The following LTF variants were observed in gnomAD, a reference collection of about 807,000 sequenced individuals.
LTF encodes the protein lactotransferrin.
Under a neutral mutation model 87.2 loss-of-function variants are expected in LTF, and 91 were observed. The observed-to-expected ratio is 1.04, with a 90% CI of 0.88 to 1.24. The LOEUF is 1.24. Ranked by LOEUF, LTF falls within the 50% of genes most tolerant of loss-of-function variation. The pLI, the probability that LTF is intolerant of heterozygous loss-of-function variation, is 0.00. For missense variants in LTF, 901 were observed against 904.3 expected (o/e 1.00, Z 0.05); for synonymous variants, 378 against 356.1 (o/e 1.06, Z -0.69).
chr3:46,454,898 C>T (rs6776379), intron 5 of LTF, among the ~76,000 whole-genome samples: 7 of 152,154 alleles, frequency 4.6e-5, no homozygotes, highest in African/African-American at 7.2e-5. Context: ...GACACTGCAG[C>T]GGTCCTGCCC....
intron 15 of LTF, among the ~76,000 whole-genome samples, chr3:46,438,631 C>T (rs1702444415): frequency 1.3e-5 from 2 of 152,162 alleles, no homozygotes; most frequent in African/African-American, 2.4e-5. Context: ...GACTGAGACC[C>T]AAACCCCTCA....
Position 46,445,282 on chromosome 3 carries a change from A to G in LTF, c.1512T>C (p.Phe504=), listed in dbSNP as rs1008461786. 9 of 1,606,888 alleles carry G rather than the reference A, an allele frequency of 5.6e-6. No individual in the cohort carries two copies. Among genetic ancestry groups the G allele is most frequent in the Non-Finnish European group, 7.7e-6 (9 of 1,176,198 alleles). The change falls in exon 12 of 17, where the codon TTT becomes TTC. Residue 504 remains phenylalanine, a splice_region_variant and synonymous_variant. Coordinates refer to ENST00000231751, the MANE Select transcript of LTF (RefSeq NM_002343.6). ...LLFNQTGSCK[F]DEYFSQSCAP... ...CACCGCACCTTTGGAACTCCTTACC[A>G]AATTTGCAGGAGCCCGTCTGGTTGA...
At chr3:46,443,335 C>A in intron 13 of LTF, 106 bp downstream of exon 13, 1 of 1,367,734 alleles carries the variant, frequency 7.3e-7, no homozygotes, top group South Asian at 1.3e-5. Context: ...CAGGATGACC[C>A]CCACTCTGCT....
At chr3:46,450,129 C>G in intron 7 of LTF, 101 bp from the exon 8 acceptor site, 1 of 1,009,286 alleles carries the variant, frequency 9.9e-7, no homozygotes, top group Non-Finnish European at 1.4e-6. Flanking sequence ...ATCATTCTAA[C>G]TGAGAGCAGG....
At chr3:46,483,216 A>G (rs1475355171) in intron 1 of LTF, among the ~76,000 whole-genome samples, 1 of 152,208 alleles carries the variant, frequency 6.6e-6, no homozygotes, top group African/African-American at 2.4e-5. Context: ...AATCCCTGAC[A>G]ATGTTAACAG....
chr3:46,463,743 T>C (rs955263635), intron 1 of LTF: 39 of 717,170 alleles, frequency 5.4e-5, no homozygotes, highest in Non-Finnish European at 6.5e-5. Context: ...GCCCTAACCC[T>C]GTGCAACAGG....
intron 2 of LTF, among the ~76,000 whole-genome samples, chr3:46,456,675 A>C (rs779930008): frequency 2.6e-5 from 4 of 152,142 alleles, no homozygotes; most frequent in Non-Finnish European, 5.9e-5. Flanking sequence ...ACAGTCATCT[A>C]TATTTGAAGT....
chr3:46,465,884 C>T (rs1703201424), upstream of LTF, among the ~76,000 whole-genome samples: 1 of 151,132 alleles, frequency 6.6e-6, no homozygotes, highest in Admixed American at 6.6e-5. Context: ...AGCATGGTGC[C>T]TGTGGGACAC....
chr3:46,443,252 G>A (rs1240544603), intron 13 of LTF, among the ~76,000 whole-genome samples, 189 bp downstream of exon 13: 2 of 152,208 alleles, frequency 1.3e-5, no homozygotes, highest in African/African-American at 2.4e-5. Context: ...CAGCCCTGGT[G>A]CCAGCCTCCA....
chr3:46,438,266 T>C, intron 15 of LTF, 137 bp from the exon 16 acceptor site: 1 of 728,464 alleles, frequency 1.4e-6, no homozygotes, highest in Non-Finnish European at 2.3e-6. Flanking sequence ...TCTGGAGTCA[T>C]TCCACCTCCT....
In LTF at chr3:46,436,059, A is replaced by G; in HGVS notation, c.*136T>C. 2 of 776,508 alleles carry G rather than the reference A, an allele frequency of 2.6e-6. No individual in the cohort carries two copies. The allele number at this position is 776,508 out of a possible 1,614,324, so 48.1% of individuals were successfully genotyped here. On this transcript the variant is annotated 3_prime_UTR_variant, in exon 17 of 17. Transcript: ENST00000231751. Reference sequence around the variant, plus strand: ...TTTTACTTCTTGCTAAGACGACAGCAGGGAATTGTAAGCAGATGGATGGGC... The same window carrying G: ...TTTTACTTCTTGCTAAGACGACAGCGGGGAATTGTAAGCAGATGGATGGGC...
At chr3:46,456,451 C>G in intron 2 of LTF, 53 bp from the exon 3 acceptor site, 1 of 1,466,462 alleles carries the variant, frequency 6.8e-7, no homozygotes, top group Non-Finnish European at 9.5e-7. Context: ...CCAAACCCAG[C>G]AAGTGGGACT....
At chr3:46,455,271 C>A (rs142976687) in intron 5 of LTF, 24 bp downstream of exon 5, 1 of 1,614,040 alleles carries the variant, frequency 6.2e-7, no homozygotes, top group Admixed American at 1.7e-5. Context: ...TGGCCACTGA[C>A]GAGAAGGGGA....
rs1200506395 is a variant in LTF at position 46,437,928 on chromosome 3, G to A, written c.2098+12C>T. ...GGTGGTTTCTCGGGGATGCTAGCTA[G>A]GGTCTACTTACGGGAGGTTGAGCAC... On this transcript the variant is annotated intron_variant, in intron 16 of 16. Coordinates refer to ENST00000231751, the MANE Select transcript of LTF (RefSeq NM_002343.6). The A allele has an allele frequency of 1.2e-6, 2 of 1,611,642 alleles. No individual in the cohort carries two copies. The highest frequency in any genetic ancestry group is 2.7e-5 in the African/African-American group (2 of 74,804).
At chr3:46,447,865 A>G (rs767355418) in intron 9 of LTF, among the ~76,000 whole-genome samples, 4 of 152,216 alleles carry the variant, frequency 2.6e-5, no homozygotes, top group African/African-American at 4.8e-5. Flanking sequence ...ACACAGGATC[A>G]TGGACTCATC....
intron 9 of LTF, among the ~76,000 whole-genome samples, chr3:46,448,393 C>T (rs1282996106): frequency 6.6e-6 from 1 of 151,712 alleles, no homozygotes; most frequent in Non-Finnish European, 1.5e-5. Context: ...TAATGCTTTC[C>T]AAGAGTAAAT....
In LTF at chr3:46,449,010, C is replaced by T. The variant is rs764832414; in HGVS notation, c.1065G>A (p.Glu355=). ...TAIQNLRKSE[E]EVAARRARVV... Reference sequence around the variant, plus strand: ...CCCGCGCACGCCGGGCAGCCACTTCCTCCTCACCTGCCAGAGGGAAGACCG... The same window carrying T: ...CCCGCGCACGCCGGGCAGCCACTTCTTCCTCACCTGCCAGAGGGAAGACCG... Residue 355 remains glutamate (E), a synonymous_variant, in exon 9 of 17, where the codon GAG becomes GAA. Transcript: ENST00000231751. 6 of 1,607,456 alleles carry T rather than the reference C, an allele frequency of 3.7e-6. No individual in the cohort carries two copies. The highest frequency in any genetic ancestry group is 1.1e-5 in the South Asian group (1 of 90,400).
Position 46,472,845 on chromosome 3 carries a change from T to A in LTF, c.-319-2379A>T, listed in dbSNP as rs540031758. Among the ~76,000 whole-genome samples the A allele has an allele frequency of 3.4e-4, 52 of 152,252 alleles. 1 individual carries two copies. Among genetic ancestry groups the A allele is most frequent in the African/African-American group, 1.0e-3 (42 of 41,538 alleles). On this transcript the variant is annotated intron_variant, in intron 1 of 19. Transcript: ENST00000443496. ...AAGAATTTGTCTCAGCTTGAATCAA[T>A]CCTTCCTGCTTCTTCCCTTTGTCTT...
At chr3:46,443,321 C>T (rs1393638970) in intron 13 of LTF, 120 bp downstream of exon 13, 2 of 1,247,010 alleles carry the variant, frequency 1.6e-6, no homozygotes, top group Non-Finnish European at 2.3e-6. Flanking sequence ...CATGAGCTGA[C>T]CCACAGGATG....
Sources: allele counts gnomAD v4.1 joint callset (sites outside exome capture counted in the v4.1 genomes callset), GRCh38; gene constraint gnomAD v4.1.1; transcripts MANE v1.5; gene names NCBI Gene and HGNC (gene_info 2026-07-23, HGNC 2026-07-21).